The following LARP1 variants were observed in gnomAD, a reference collection of about 807,000 sequenced individuals.
LARP1 encodes La ribonucleoprotein 1, translational regulator.
LARP1 carries 36 observed loss-of-function variants against 122.7 expected under a neutral mutation model. The observed-to-expected ratio is 0.29, with a 90% CI of 0.22 to 0.39. The LOEUF is 0.39. Among genes scored for constraint, LARP1 ranks in the 10% least tolerant of loss-of-function variants. The pLI is 1.00. For synonymous variants in LARP1, 539 were observed against 528.7 expected, an observed-to-expected ratio of 1.02 and a Z score of -0.27; for missense variants, 1,040 against 1,403.6, an observed-to-expected ratio of 0.74 and a Z score of 4.14.
chr5:154,792,805 C>A lies in LARP1; in HGVS notation c.739+9C>A. The A allele has an allele frequency of 1.9e-6, 3 of 1,612,970 alleles. No homozygotes were observed. Among genetic ancestry groups the A allele is most frequent in the South Asian group, 1.1e-5 (1 of 90,876 alleles). ...CGGGCAGAAGAAGAAAGGTGAGTGA[C>A]TGGGAGCAGGACTTGGGAGAAGGTG... On this transcript the variant is annotated intron_variant, in intron 4 of 18. Transcript: ENST00000518297.
At chr5:154,710,855 A>G (rs2113289776), upstream of LARP1, among the ~76,000 whole-genome samples, 1 of 152,204 alleles carries the variant, frequency 6.6e-6, no homozygotes, top group Admixed American at 6.5e-5. Context: ...CCACACCAAA[A>G]GTCCTGGTTC....
intron 1 of LARP1, among the ~76,000 whole-genome samples, chr5:154,768,350 C>G (rs956849677): frequency 2.0e-5 from 3 of 152,176 alleles, no homozygotes; most frequent in African/African-American, 4.8e-5. Context: ...GAGTTGTAAA[C>G]AAGACACATT....
At chr5:154,756,286 C>G in intron 1 of LARP1, 93 bp downstream of exon 1, 8 of 997,030 alleles carry the variant, frequency 8.0e-6, no homozygotes, top group Non-Finnish European at 9.8e-6. Context: ...CCGGGGTCTG[C>G]TACCGGTCAT....
intron 1 of LARP1, chr5:154,685,649 C>T (rs540672547): frequency 3.0e-6 from 1 of 336,416 alleles, no homozygotes; most frequent in Non-Finnish European, 5.8e-6. Flanking sequence ...AACGCTGCCT[C>T]TGCTAGTCTA....
chr5:154,707,405 T>C (rs1019040614), intron 1 of LARP1, among the ~76,000 whole-genome samples: 1 of 152,248 alleles, frequency 6.6e-6, no homozygotes, highest in Non-Finnish European at 1.5e-5. Context: ...TCTATCTTCA[T>C]TGATTTGTGA....
chr5:154,751,220 G>A (rs1280767794), upstream of LARP1, among the ~76,000 whole-genome samples: 1 of 152,094 alleles, frequency 6.6e-6, no homozygotes, highest in Non-Finnish European at 1.5e-5. Flanking sequence ...AATAAGGCCT[G>A]GCGATATAGA....
intron 7 of LARP1, among the ~76,000 whole-genome samples, chr5:154,794,850 G>A (rs1757620619): frequency 6.6e-6 from 1 of 152,202 alleles, no homozygotes; most frequent in Non-Finnish European, 1.5e-5. Flanking sequence ...ATAAATGGTT[G>A]CAATAGAGTG....
intron 1 of LARP1, among the ~76,000 whole-genome samples, chr5:154,759,434 C>T (rs943092701): frequency 1.2e-4 from 19 of 152,144 alleles, no homozygotes; most frequent in Non-Finnish European, 1.6e-4. Flanking sequence ...ACATGAAGGG[C>T]ATGGATGGAT....
At position 154,814,136 on chromosome 5, in the gene LARP1, A is replaced by G. The variant is rs1759509064; in HGVS notation, c.*40A>G. The G allele has an allele frequency of 1.3e-6, 2 of 1,520,920 alleles. No individual in the cohort carries two copies. Among genetic ancestry groups the G allele is most frequent in the Admixed American group, 1.7e-5 (1 of 57,794 alleles). 94.2% of individuals were successfully genotyped at this position (1,520,920 alleles called of 1,614,324 possible). A position where few individuals can be genotyped will look rare whatever the true frequency, so the allele number is the denominator to read the frequency against. On this transcript the variant is annotated 3_prime_UTR_variant, in exon 19 of 19. Transcript: ENST00000518297. ...CTGGGGCTTGAGGGGGGAAAGGGGT[A>G]GGGTGGGTAAGAGTCCATGGGGGTG...
At chr5:154,801,876 C>T in intron 10 of LARP1, 131 bp from the exon 11 acceptor site, 1 of 786,278 alleles carries the variant, frequency 1.3e-6, no homozygotes, top group South Asian at 2.0e-5. Context: ...TTGTGACCTG[C>T]TGGTGTTACC....
intron 1 of LARP1, among the ~76,000 whole-genome samples, chr5:154,693,064 A>T (rs1189274941): frequency 2.0e-5 from 3 of 146,954 alleles, no homozygotes; most frequent in Non-Finnish European, 4.5e-5. Flanking sequence ...GGCTCAAGGG[A>T]TCCTCCTGCC....
chr5:154,798,356 A>G (rs550525795), intron 8 of LARP1, among the ~76,000 whole-genome samples: 1 of 152,342 alleles, frequency 6.6e-6, no homozygotes, highest in African/African-American at 2.4e-5. Flanking sequence ...TATACAACAC[A>G]TGGCATTTCT....
intron 8 of LARP1, among the ~76,000 whole-genome samples, chr5:154,796,095 T>TATATATAG (rs1757800095): frequency 8.3e-6 from 1 of 121,102 alleles, no homozygotes; most frequent in Non-Finnish European, 1.6e-5. Flanking sequence ...TATATATATT[T>TATATATAG]TATATATTTA....
chr5:154,798,855 T>TTTTGTTTG (rs60748260), intron 8 of LARP1, among the ~76,000 whole-genome samples: 19 of 151,968 alleles, frequency 1.3e-4, no homozygotes, highest in African/African-American at 3.4e-4. Flanking sequence ...TTGGTTGTTT[T>TTTTGTTTG]TTTGTTTGTT....
rs779006161 is a variant in LARP1, at chr5:154,808,467, C to T, written c.2707C>T (p.Arg903Cys). ...CCTTTCTTTCCCATCAGAGCGGAAA[C>T]GCTTGGGCATTGGCCAGTCTCAGGA... ...YRRRCLNERKRLGIGQSQEMN... is the reference protein window; with the variant it reads ...YRRRCLNERKCLGIGQSQEMN... Residue 903 changes from arginine (R) to cysteine (C), a missense_variant, in exon 16 of 19, where the codon CGC becomes TGC. Arg to Cys is a radical substitution (Grantham distance 180, BLOSUM62 -3). Transcript: ENST00000518297. The T allele has an allele frequency of 1.9e-6, 3 of 1,611,848 alleles. No homozygotes were observed. The highest frequency in any genetic ancestry group is 1.1e-5 in the South Asian group (1 of 90,892).
chr5:154,789,361 G>T (rs1054873054), intron 1 of LARP1, among the ~76,000 whole-genome samples: 3 of 150,506 alleles, frequency 2.0e-5, no homozygotes, highest in South Asian at 4.2e-4. Context: ...CTGGGATTAC[G>T]GGCGCCCACC....
intron 1 of LARP1, among the ~76,000 whole-genome samples, chr5:154,685,350 TC>T (rs952891360): frequency 6.6e-6 from 1 of 152,140 alleles, no homozygotes; most frequent in African/African-American, 2.4e-5. Context: ...TGTCCATGCT[TC>T]CACCACAACG....
Position 154,714,282 on chromosome 5 carries a change from CTG to C in LARP1, c.205+1157_205+1158del, listed in dbSNP as rs942356399. Among the ~76,000 whole-genome samples the C allele has an allele frequency of 2.6e-5, 4 of 152,214 alleles. No individual in the cohort carries two copies. In the Middle Eastern group the frequency reaches 0.01, roughly 388 times the overall value. On this transcript the variant is annotated intron_variant, in intron 1 of 18. Coordinates refer to the LARP1 transcript ENST00000336314. ...CTGTAGTAATTATTTTCTCCAATCA[CTG>C]TGTGATAATAATTAATGTGATAAAA...
At chr5:154,792,572 A>T (rs758878920) in intron 3 of LARP1, 50 bp from the exon 4 acceptor site, 1 of 1,563,556 alleles carries the variant, frequency 6.4e-7, no homozygotes, top group Non-Finnish European at 8.8e-7. Context: ...TCCCTCCTAT[A>T]CCATGAGGCA....
Sources: gnomAD v4.1 joint callset for allele counts (sites outside exome capture counted in the v4.1 genomes callset) on GRCh38, gnomAD v4.1.1 for gene constraint, MANE v1.5 for transcripts, NCBI Gene and HGNC (gene_info 2026-07-23, HGNC 2026-07-21) for gene names.